Variants in MYO18B observed in about 807,000 individuals in gnomAD.
MYO18B encodes the protein unconventional myosin-XVIIIb.
In MYO18B, 204 loss-of-function variants were observed where a neutral mutation model predicts 273.0. The ratio of observed to expected loss-of-function variants is 0.75; its 90% confidence interval spans 0.67 to 0.84. MYO18B has a LOEUF of 0.84. MYO18B is among the 40% of genes least tolerant of loss of function. MYO18B has a pLI of 0.00. For synonymous variants in MYO18B, 1,330 were observed against 1,305.7 expected (o/e 1.02, Z -0.40); for missense variants, 3,212 against 3,287.6 (o/e 0.98, Z 0.56).
intron 39 of MYO18B, among the ~76,000 whole-genome samples, chr22:25,975,964 C>A (rs1357238498): frequency 3.3e-5 from 5 of 152,218 alleles, no homozygotes; most frequent in Non-Finnish European, 7.3e-5. Flanking sequence ...TCACATCTGT[C>A]TGACTCCAGA....
chr22:25,825,313 G>T (rs969754069), intron 13 of MYO18B, among the ~76,000 whole-genome samples: 1 of 152,154 alleles, frequency 6.6e-6, no homozygotes, highest in African/African-American at 2.4e-5. Context: ...GAGGAGGGGT[G>T]GGAAATGCTT....
intron 40 of MYO18B, among the ~76,000 whole-genome samples, chr22:25,995,244 T>A (rs999817763): frequency 2.6e-5 from 4 of 152,128 alleles, no homozygotes; most frequent in Admixed American, 2.0e-4. Context: ...TCAAAACAAT[T>A]TAACCCATGG....
At chr22:25,902,773 G>T in intron 30 of MYO18B, 37 bp downstream of exon 30, 1 of 1,554,122 alleles carries the variant, frequency 6.4e-7, no homozygotes, top group South Asian at 1.2e-5. Context: ...CTTGGCTCTT[G>T]GTGGCTAAAT....
intron 25 of MYO18B, among the ~76,000 whole-genome samples, chr22:25,885,234 T>A (rs1382554279): frequency 6.6e-6 from 1 of 152,194 alleles, no homozygotes; most frequent in African/African-American, 2.4e-5. Flanking sequence ...GGTGTTAGTA[T>A]CCCCATCTCA....
At chr22:25,877,826 C>T in intron 24 of MYO18B, 133 bp from the exon 25 acceptor site, 1 of 647,362 alleles carries the variant, frequency 1.5e-6, no homozygotes, top group Non-Finnish European at 2.7e-6. Context: ...TTGTTATAGT[C>T]ACCATTCTGT....
intron 6 of MYO18B, among the ~76,000 whole-genome samples, chr22:25,771,907 C>T (rs2086733933): frequency 6.6e-6 from 1 of 152,214 alleles, no homozygotes; most frequent in African/African-American, 2.4e-5. Flanking sequence ...CATTGGCCTC[C>T]ACTCCTGGGT....
At chr22:25,997,381 T>G (rs1933403248) in intron 40 of MYO18B, among the ~76,000 whole-genome samples, 2 of 149,122 alleles carry the variant, frequency 1.3e-5, no homozygotes, top group Non-Finnish European at 3.0e-5. Flanking sequence ...TATTTAAGAT[T>G]TCAAGACAGT....
intron 25 of MYO18B, among the ~76,000 whole-genome samples, chr22:25,878,416 G>T (rs766228805): frequency 6.6e-6 from 1 of 152,176 alleles, no homozygotes; most frequent in Non-Finnish European, 1.5e-5. Flanking sequence ...AAATGAAGAT[G>T]TATATTACTT....
chr22:25,760,193 A>G (rs1277951082), intron 1 of MYO18B, among the ~76,000 whole-genome samples: 3 of 152,020 alleles, frequency 2.0e-5, no homozygotes, highest in Non-Finnish European at 4.4e-5. Flanking sequence ...AAGCAGGCGG[A>G]TCATGAGGTC....
At chr22:25,875,395 C>A (rs1444774680) in intron 23 of MYO18B, among the ~76,000 whole-genome samples, 1 of 152,232 alleles carries the variant, frequency 6.6e-6, no homozygotes, top group African/African-American at 2.4e-5. Flanking sequence ...ATGCTCAGGG[C>A]AGTGCCTAGC....
At chr22:25,892,927 C>T (rs1052302591) in intron 27 of MYO18B, among the ~76,000 whole-genome samples, 3 of 152,170 alleles carry the variant, frequency 2.0e-5, no homozygotes, top group African/African-American at 7.2e-5. Context: ...AATAATGCTT[C>T]CCAGTTTGTT....
At position 25,948,613 on chromosome 22, in the gene MYO18B, C is replaced by T. The variant is rs540391987; in HGVS notation, c.5748+785C>T. ...TTTCTTCTTATCTTTCTATCTGTAG[C>T]TATTTATTCAATATTTACTGAATCC... On this transcript the variant is annotated intron_variant, in intron 36 of 43. Coordinates refer to ENST00000335473, the MANE Select transcript of MYO18B (RefSeq NM_032608.7). Among the ~76,000 whole-genome samples, 15 of 146,896 alleles carry T rather than the reference C, an allele frequency of 1.0e-4. No homozygotes were observed. The East Asian group carries it at 3.0e-3, about 29-fold the overall frequency.
chr22:25,983,051 G>A (rs2093165675), intron 39 of MYO18B, among the ~76,000 whole-genome samples: 1 of 152,196 alleles, frequency 6.6e-6, no homozygotes, highest in Non-Finnish European at 1.5e-5. Flanking sequence ...CTGTAATCCT[G>A]CACTTGATTC....
At chr22:25,949,023 A>G (rs1394555800) in intron 36 of MYO18B, among the ~76,000 whole-genome samples, 1 of 152,124 alleles carries the variant, frequency 6.6e-6, no homozygotes, top group Non-Finnish European at 1.5e-5. Flanking sequence ...ACCAGTGAGG[A>G]CAATCTGGCA....
intron 39 of MYO18B, among the ~76,000 whole-genome samples, chr22:25,955,670 G>A (rs1035653443): frequency 1.3e-5 from 2 of 152,184 alleles, no homozygotes; most frequent in African/African-American, 4.8e-5. Context: ...TCCAATGGCA[G>A]GAAGGCCTCA....
chr22:25,818,553 C>T (rs1051903715), intron 12 of MYO18B, among the ~76,000 whole-genome samples: 4 of 152,198 alleles, frequency 2.6e-5, no homozygotes, highest in Non-Finnish European at 5.9e-5. Flanking sequence ...GCTCAACACT[C>T]GATGGCTTGA....
chr22:26,023,843 G>C (rs547044687), intron 42 of MYO18B, among the ~76,000 whole-genome samples: 1 of 152,222 alleles, frequency 6.6e-6, no homozygotes, highest in Non-Finnish European at 1.5e-5. Flanking sequence ...AAATACAGGC[G>C]TGTGAATGCC....
At chr22:25,897,393 G>C (rs1311578688) in intron 28 of MYO18B, 1 of 152,204 alleles carries the variant, frequency 6.6e-6, no homozygotes, top group East Asian at 1.9e-4. Flanking sequence ...GATGATTTTA[G>C]TGGTCGCTTT....
At chr22:25,859,073 A>G (rs756904870) in intron 21 of MYO18B, among the ~76,000 whole-genome samples, 1 of 152,226 alleles carries the variant, frequency 6.6e-6, no homozygotes, top group Non-Finnish European at 1.5e-5. Context: ...GGTGACTTTC[A>G]TATACACAGA....
Sources: allele counts gnomAD v4.1 joint callset (sites outside exome capture counted in the v4.1 genomes callset), GRCh38; gene constraint gnomAD v4.1.1; transcripts MANE v1.5; gene names NCBI Gene and HGNC (gene_info 2026-07-23, HGNC 2026-07-21).